Variants in FRMPD4 observed in about 807,000 individuals in gnomAD.
The protein encoded by FRMPD4 is FERM and PDZ domain-containing protein 4.
Under a neutral mutation model 94.1 loss-of-function variants are expected in FRMPD4, and 22 were observed. The ratio of observed to expected loss-of-function variants is 0.23; its 90% CI spans 0.17 to 0.33. The LOEUF (loss-of-function observed/expected upper bound fraction) is 0.33, where lower values mean the gene tolerates loss of function less well. Ranked by LOEUF, FRMPD4 falls within the 10% of genes least tolerant of loss-of-function variation. The probability of loss-of-function intolerance (pLI) is 1.00; values close to 1 mark genes in which losing one functional copy is unlikely to be tolerated. For missense variants in FRMPD4, 1,111 were observed against 1,339.9 expected (o/e 0.83, Z 2.67); for synonymous variants, 631 against 548.6 (o/e 1.15, Z -2.10).
intron 3 of FRMPD4, among the ~76,000 whole-genome samples, chrX:12,053,810 AC>A (rs1294604072): frequency 8.9e-6 from 1 of 112,163 alleles, no homozygotes; most frequent in African/African-American, 3.2e-5. Flanking sequence ...ATTTAATATA[AC>A]TTTTATGTGA....
chrX:11,944,740 A>G (rs774536967), intron 3 of FRMPD4, among the ~76,000 whole-genome samples: 1 of 110,610 alleles, frequency 9.0e-6, no homozygotes, highest in African/African-American at 3.3e-5. Context: ...GGTGGCAAAT[A>G]GGACAGGAAG....
At chrX:12,243,652 GT>G (rs1300836709) in intron 1 of FRMPD4, among the ~76,000 whole-genome samples, 20 of 104,761 alleles carry the variant, frequency 1.9e-4, no homozygotes, top group South Asian at 8.5e-4. Context: ...AACAAACCTA[GT>G]TTTTTTTTTT....
chrX:12,461,707 A>G (rs1033493299), intron 1 of FRMPD4, among the ~76,000 whole-genome samples: 4 of 111,722 alleles, frequency 3.6e-5, no homozygotes, highest in Non-Finnish European at 7.5e-5. Context: ...AAATTAGCCA[A>G]ACTTAAATGG....
chrX:12,142,646 C>A (rs1049057986), intron 1 of FRMPD4, among the ~76,000 whole-genome samples: 55 of 112,059 alleles, frequency 4.9e-4, no homozygotes, highest in African/African-American at 1.8e-3. Flanking sequence ...TGAACAGTTT[C>A]ATAACAGAAC....
intron 1 of FRMPD4, among the ~76,000 whole-genome samples, chrX:12,146,919 C>G (rs1176855078): frequency 1.8e-5 from 2 of 112,109 alleles, no homozygotes; most frequent in Admixed American, 1.9e-4. Flanking sequence ...CATCAGTGTT[C>G]AGCTGACAGA....
chrX:11,941,288 C>T (rs748208947), intron 3 of FRMPD4, among the ~76,000 whole-genome samples: 2 of 53,882 alleles, frequency 3.7e-5, no homozygotes, highest in South Asian at 2.2e-3. Context: ...GGAGCTGTTC[C>T]TATTCGGCCA....
chrX:12,578,526 T>C (rs2058833487), intron 2 of FRMPD4, among the ~76,000 whole-genome samples: 1 of 107,598 alleles, frequency 9.3e-6, no homozygotes, highest in Non-Finnish European at 1.9e-5. Context: ...TGTATAATTA[T>C]AAATGTCTAC....
At chrX:12,086,178 A>G (rs1251232833) in intron 3 of FRMPD4, among the ~76,000 whole-genome samples, 5 of 110,982 alleles carry the variant, frequency 4.5e-5, no homozygotes, top group Non-Finnish European at 9.4e-5. Flanking sequence ...ACTAAAATGT[A>G]GGCAGAGGGA....
At chrX:11,822,772 C>A (rs773685587) in intron 1 of FRMPD4, among the ~76,000 whole-genome samples, 40 of 111,906 alleles carry the variant, frequency 3.6e-4, no homozygotes, top group Non-Finnish European at 5.1e-4. Context: ...GGAGGCCAAT[C>A]AAAAATCAAG....
At chrX:12,408,422 C>T (rs1230465912) in intron 1 of FRMPD4, among the ~76,000 whole-genome samples, 1 of 110,842 alleles carries the variant, frequency 9.0e-6, no homozygotes, top group Non-Finnish European at 1.9e-5. Context: ...CTGCTTTGTA[C>T]ATATTAAGTT....
In FRMPD4 at chrX:12,669,478, T is replaced by A. The variant is rs6654961; in HGVS notation, c.423-5385T>A. ...GTGAGATAATAAGTGGGTATTGTTT[T>A]AAGCAACTAGCTTTCTGGGCTTTCT... On this transcript the variant is annotated intron_variant, in intron 4 of 16. Coordinates refer to ENST00000675598, the MANE Select transcript of FRMPD4 (RefSeq NM_001368397.1). 9.1e-4 allele frequency among the ~76,000 whole-genome samples: 84 copies of A among 92,223 alleles called. 1 individual carries two copies. Among genetic ancestry groups the A allele is most frequent in the African/African-American group, 3.1e-3 (82 of 26,323 alleles). The allele number at this position is 92,223 out of a possible 115,157, so 80.1% of individuals were successfully genotyped here.
intron 3 of FRMPD4, among the ~76,000 whole-genome samples, chrX:11,997,525 G>T (rs980972748): frequency 9.0e-6 from 1 of 111,018 alleles, no homozygotes; most frequent in Non-Finnish European, 1.9e-5. Flanking sequence ...GGCCAGGGTG[G>T]CTTTGTTTCT....
At chrX:12,161,115 C>T (rs985626691) in intron 1 of FRMPD4, among the ~76,000 whole-genome samples, 2 of 110,829 alleles carry the variant, frequency 1.8e-5, no homozygotes, top group African/African-American at 3.3e-5. Flanking sequence ...GCTGTTTCCA[C>T]TACCATGAGT....
intron 2 of FRMPD4, among the ~76,000 whole-genome samples, chrX:12,515,010 T>C (rs1384301073): frequency 1.8e-5 from 2 of 111,933 alleles, no homozygotes; most frequent in Non-Finnish European, 3.8e-5. Flanking sequence ...TGCATAGAGG[T>C]ATTTATAGTA....
intron 1 of FRMPD4, among the ~76,000 whole-genome samples, chrX:12,176,118 A>C (rs1211303110): frequency 1.8e-5 from 2 of 112,150 alleles, no homozygotes; most frequent in Admixed American, 9.5e-5. Flanking sequence ...CATGTGGACT[A>C]TCAGCTCTTG....
chrX:12,332,608 A>C (rs2055448890), intron 1 of FRMPD4, among the ~76,000 whole-genome samples: 1 of 111,691 alleles, frequency 9.0e-6, no homozygotes, highest in African/African-American at 3.2e-5. Flanking sequence ...GGAATCAGGT[A>C]GATAAATTGT....
At chrX:11,854,087 A>G (rs1407716198) in intron 1 of FRMPD4, among the ~76,000 whole-genome samples, 1 of 111,951 alleles carries the variant, frequency 8.9e-6, no homozygotes, top group Non-Finnish European at 1.9e-5. Flanking sequence ...ACTTACAATC[A>G]TGGCAGAAGG....
chrX:12,123,141 T>C, intron 3 of FRMPD4, among the ~76,000 whole-genome samples: 1 of 88,147 alleles, frequency 1.1e-5, no homozygotes, highest in South Asian at 5.5e-4. Flanking sequence ...TTTTTTTTTT[T>C]GTTTGTTTGT....
rs141149589 is a variant in FRMPD4 at position 12,494,466 on chromosome X, A to C, written c.42-4214A>C. 1.9e-3 allele frequency among the ~76,000 whole-genome samples: 214 copies of C among 112,069 alleles called. 3 individuals carry two copies. In the East Asian group the frequency reaches 0.05, roughly 26 times the overall value. On this transcript the variant is annotated intron_variant, in intron 1 of 16. Transcript: ENST00000675598. ...TTAGAGTAAATTGCACAGGGTCACA[A>C]ATCTAGTAAGTGGCAGAATTTGAAT...
Sources: gnomAD v4.1 joint callset for allele counts (sites outside exome capture counted in the v4.1 genomes callset) on GRCh38, gnomAD v4.1.1 for gene constraint, MANE v1.5 for transcripts, NCBI Gene and HGNC (gene_info 2026-07-23, HGNC 2026-07-21) for gene names.